The following PARD3B variants were observed in gnomAD, a reference collection of about 807,000 sequenced individuals.
The protein encoded by PARD3B is partitioning defective 3 homolog B.
In PARD3B, 103 loss-of-function variants were observed where a neutral mutation model predicts 130.2. That is an observed-to-expected ratio of 0.79 (90% confidence interval 0.67 to 0.93). The LOEUF is 0.93. Among genes scored for constraint, PARD3B ranks in the 40% least tolerant of loss-of-function variants. The pLI, the probability that PARD3B is intolerant of heterozygous loss-of-function variation, is 0.00. For missense variants in PARD3B, 1,609 were observed against 1,499.2 expected (o/e 1.07, Z -1.21); for synonymous variants, 583 against 553.2 (o/e 1.05, Z -0.76).
chr2:205,374,160 A>T (rs1326524773), intron 18 of PARD3B, among the ~76,000 whole-genome samples: 1 of 136,874 alleles, frequency 7.3e-6, no homozygotes, highest in African/African-American at 2.6e-5. Context: ...TAACCACATT[A>T]CAGGAAATTG....
rs927266696 is a variant in PARD3B at position 204,943,200 on chromosome 2, A to G, written c.223-21952A>G. Among the ~76,000 whole-genome samples the G allele has an allele frequency of 6.6e-6, 1 of 151,940 alleles. No individual in the cohort carries two copies. Among genetic ancestry groups the G allele is most frequent in the East Asian group, 1.9e-4 (1 of 5,186 alleles). ...TGCATATATATATATGTGTGTGTAT[A>G]TATATATAATATGTTAATTTTCATA... On this transcript the variant is annotated intron_variant, in intron 2 of 22. Coordinates refer to ENST00000406610, the MANE Select transcript of PARD3B (RefSeq NM_001302769.2). The surrounding 1 kb of genome is among the most constrained non-coding windows in gnomAD (Gnocchi z 4.2).
intron 1 of PARD3B, among the ~76,000 whole-genome samples, chr2:204,578,595 A>G (rs1184959994): frequency 6.6e-6 from 1 of 152,190 alleles, no homozygotes. Flanking sequence ...GATGTAAACT[A>G]GTTTATTATA....
At chr2:204,653,618 C>T (rs1156829126) in intron 1 of PARD3B, among the ~76,000 whole-genome samples, 1 of 150,346 alleles carries the variant, frequency 6.7e-6, no homozygotes, top group Admixed American at 6.6e-5. Context: ...AGGTGAAACC[C>T]CATCTCTACT....
At chr2:205,245,208 A>G (rs1177786447) in intron 15 of PARD3B, among the ~76,000 whole-genome samples, 1 of 152,168 alleles carries the variant, frequency 6.6e-6, no homozygotes, top group African/African-American at 2.4e-5. Context: ...GCAATTGTAA[A>G]GTTCACGTCA....
At chr2:205,311,157 C>T (rs1468597205) in intron 18 of PARD3B, among the ~76,000 whole-genome samples, 3 of 152,158 alleles carry the variant, frequency 2.0e-5, no homozygotes, top group African/African-American at 4.8e-5. Flanking sequence ...GATATCTTCT[C>T]GACATACCAA....
intron 22 of PARD3B, among the ~76,000 whole-genome samples, chr2:205,571,441 G>T (rs1409715228): frequency 1.3e-5 from 2 of 152,218 alleles, no homozygotes; most frequent in Non-Finnish European, 2.9e-5. Flanking sequence ...AAGTCAAGAA[G>T]GCCGGGGGTC....
rs183230135 is a variant in PARD3B at position 205,469,563 on chromosome 2, G to C, written c.3044+28891G>C. On this transcript the variant is annotated intron_variant, in intron 20 of 22. Transcript: ENST00000406610. Reference sequence around the variant, plus strand: ...TCTCTGCTTCAGAAGCTTCTTAAGGGGAACAAGGTTGTTTGTACTGTCCAG... The same window carrying C: ...TCTCTGCTTCAGAAGCTTCTTAAGGCGAACAAGGTTGTTTGTACTGTCCAG... Among the ~76,000 whole-genome samples, 15 of 152,232 alleles carry C rather than the reference G, an allele frequency of 9.9e-5. No individual in the cohort carries two copies. In the East Asian group the frequency reaches 1.9e-3, roughly 20 times the overall value.
chr2:204,691,241 C>A (rs1459311846), intron 2 of PARD3B, among the ~76,000 whole-genome samples: 1 of 151,988 alleles, frequency 6.6e-6, no homozygotes, highest in East Asian at 1.9e-4. Context: ...AAGACAACTG[C>A]AATATAACAT....
intron 20 of PARD3B, among the ~76,000 whole-genome samples, chr2:205,499,270 A>G (rs2050064347): frequency 6.6e-6 from 1 of 152,022 alleles, no homozygotes; most frequent in Non-Finnish European, 1.5e-5. Context: ...TACAGAGAGA[A>G]GAACTTGGAT....
chr2:204,738,951 A>G (rs531230735), intron 2 of PARD3B, among the ~76,000 whole-genome samples: 2 of 152,336 alleles, frequency 1.3e-5, no homozygotes, highest in African/African-American at 4.8e-5. Context: ...ATGATGTCTC[A>G]TCATATGCAC....
chr2:204,707,378 C>T (rs1367390641), intron 2 of PARD3B, among the ~76,000 whole-genome samples: 1 of 152,150 alleles, frequency 6.6e-6, no homozygotes, highest in African/African-American at 2.4e-5. Flanking sequence ...GTTTTTAGGA[C>T]AGTTTTTTGA....
At chr2:205,085,389 C>T (rs142369377) in intron 4 of PARD3B, among the ~76,000 whole-genome samples, 1 of 151,938 alleles carries the variant, frequency 6.6e-6, no homozygotes, top group African/African-American at 2.4e-5. Flanking sequence ...GTTTGAGAAT[C>T]TCCGTGTTTC....
intron 2 of PARD3B, among the ~76,000 whole-genome samples, chr2:204,723,628 C>T (rs1368767199): frequency 6.6e-6 from 1 of 152,000 alleles, no homozygotes; most frequent in African/African-American, 2.4e-5. Flanking sequence ...GAAAGCAAGT[C>T]TTGTCAGTTT....
At chr2:205,510,866 C>A (rs1332369669) in intron 21 of PARD3B, among the ~76,000 whole-genome samples, 1 of 152,182 alleles carries the variant, frequency 6.6e-6, no homozygotes, top group Non-Finnish European at 1.5e-5. Context: ...TAAGCTATTC[C>A]ATATACTAGC....
intron 2 of PARD3B, among the ~76,000 whole-genome samples, chr2:204,803,144 GAAAAAAA>G (rs67190837): frequency 0.017 from 2,025 of 120,122 alleles, 62 homozygotes; most frequent in African/African-American, 0.062. Context: ...AGTGCTGAAG[GAAAAAAA>G]AAAAAAAAAA....
chr2:205,458,079 T>C lies in PARD3B; in HGVS notation c.3044+17407T>C, dbSNP rs1392882108. ...TGACTGCCTTAAATTTTTTCCTTTT[T>C]GTCTTGGTTTTCAGCAGTTTTACTG... On this transcript the variant is annotated intron_variant, in intron 20 of 22. Coordinates refer to ENST00000406610, the MANE Select transcript of PARD3B (RefSeq NM_001302769.2). The surrounding 1 kb of genome is among the most constrained non-coding windows in gnomAD (Gnocchi z 4.8). Among the ~76,000 whole-genome samples, 1 of 152,170 alleles carries C rather than the reference T, an allele frequency of 6.6e-6. No individual in the cohort carries two copies. The highest frequency in any genetic ancestry group is 1.5e-5 in the Non-Finnish European group (1 of 68,020).
intron 2 of PARD3B, among the ~76,000 whole-genome samples, chr2:204,866,821 C>G (rs1330833591): frequency 6.6e-6 from 1 of 152,006 alleles, no homozygotes; most frequent in Non-Finnish European, 1.5e-5. Flanking sequence ...ATAATCTCAG[C>G]ACTTTGGGAG....
chr2:205,556,905 C>T (rs952846386), intron 22 of PARD3B, among the ~76,000 whole-genome samples: 6 of 152,106 alleles, frequency 3.9e-5, no homozygotes, highest in Non-Finnish European at 5.9e-5. Context: ...GCCTGCCAGC[C>T]GCTCGCAATT....
chr2:204,569,482 A>G (rs946310369), intron 1 of PARD3B, among the ~76,000 whole-genome samples: 2 of 152,236 alleles, frequency 1.3e-5, no homozygotes, highest in African/African-American at 4.8e-5. Context: ...ACAGATATCC[A>G]TGTGGCTATT....
Sources: allele counts gnomAD v4.1 joint callset (sites outside exome capture counted in the v4.1 genomes callset), GRCh38; gene constraint gnomAD v4.1.1; non-coding constraint Gnocchi (gnomAD v3.1); transcripts MANE v1.5; gene names NCBI Gene and HGNC (gene_info 2026-07-23, HGNC 2026-07-21).